Variants in GRM5 observed in about 807,000 individuals in gnomAD.
GRM5 encodes glutamate metabotropic receptor 5.
A neutral mutation model predicts 83.1 loss-of-function variants in GRM5; 19 were observed. That is an observed-to-expected ratio of 0.23 (90% CI 0.16 to 0.34). The LOEUF (loss-of-function observed/expected upper bound fraction) is 0.34, where lower values mean the gene tolerates loss of function less well. GRM5 is among the 10% of genes least tolerant of loss of function. The probability of loss-of-function intolerance (pLI) is 1.00; values close to 1 mark genes in which losing one functional copy is unlikely to be tolerated. For missense variants in GRM5, 1,160 were observed against 1,588.3 expected (o/e 0.73, Z 4.58); for synonymous variants, 675 against 633.6 (o/e 1.07, Z -0.98).
At chr11:88,849,063 G>T (rs117359754) in intron 3 of GRM5, among the ~76,000 whole-genome samples, 1 of 151,896 alleles carries the variant, frequency 6.6e-6, no homozygotes, top group South Asian at 2.1e-4. Context: ...TAAGACCTTT[G>T]GACTTGGATT....
rs953102466 is a variant in GRM5, at chr11:88,591,886, G to A, written c.1564-1159C>T. 2.6e-5 allele frequency among the ~76,000 whole-genome samples: 4 copies of A among 152,150 alleles called. No individual in the cohort carries two copies. The East Asian group carries it at 5.8e-4, about 22-fold the overall frequency. On this transcript the variant is annotated intron_variant, in intron 6 of 9. Coordinates refer to ENST00000305447, the MANE Select transcript of GRM5 (RefSeq NM_001143831.3). ...ATATCGACTATTTCCAGGCTCTTTA[G>A]TACTTGTCACATACTGTTATCCCAT...
chr11:89,060,914 TCTC>T (rs1941978537), intron 1 of GRM5, among the ~76,000 whole-genome samples: 1 of 152,138 alleles, frequency 6.6e-6, no homozygotes, highest in Admixed American at 6.5e-5. Flanking sequence ...CTTCTTATGT[TCTC>T]CTAAGCTTCA....
intron 4 of GRM5, among the ~76,000 whole-genome samples, chr11:88,644,291 A>G (rs1199387872): frequency 1.3e-5 from 2 of 152,098 alleles, no homozygotes; most frequent in Non-Finnish European, 2.9e-5. Flanking sequence ...GCATCCCACA[A>G]ATTGGGGACT....
intron 3 of GRM5, among the ~76,000 whole-genome samples, chr11:88,714,481 A>G (rs1190521360): frequency 6.6e-6 from 1 of 152,014 alleles, no homozygotes; most frequent in Admixed American, 6.6e-5. Context: ...AGACATTGTT[A>G]AAAAAGTGAT....
At chr11:88,991,808 A>C (rs1939984778) in intron 2 of GRM5, among the ~76,000 whole-genome samples, 1 of 152,098 alleles carries the variant, frequency 6.6e-6, no homozygotes, top group Non-Finnish European at 1.5e-5. Context: ...CTGGCTAGCC[A>C]TATGTAGAAA....
intron 3 of GRM5, among the ~76,000 whole-genome samples, chr11:88,760,082 A>C (rs762757631): frequency 1.1e-4 from 17 of 151,620 alleles, no homozygotes; most frequent in Non-Finnish European, 2.2e-4. Flanking sequence ...GGCAATGTTA[A>C]GGAAATTTAT....
intron 2 of GRM5, among the ~76,000 whole-genome samples, chr11:88,922,825 C>T (rs951544995): frequency 2.6e-5 from 4 of 152,238 alleles, no homozygotes; most frequent in Admixed American, 2.0e-4. Flanking sequence ...GCAAACTCTA[C>T]ATCTGACAAG....
chr11:89,006,839 C>T (rs374853793), intron 2 of GRM5, among the ~76,000 whole-genome samples: 1 of 152,140 alleles, frequency 6.6e-6, no homozygotes, highest in Non-Finnish European at 1.5e-5. Flanking sequence ...TCTCTGTCAC[C>T]CAGGCTGGAG....
At chr11:88,822,965 T>C (rs1251554819) in intron 3 of GRM5, among the ~76,000 whole-genome samples, 1 of 152,106 alleles carries the variant, frequency 6.6e-6, no homozygotes, top group Non-Finnish European at 1.5e-5. Flanking sequence ...TTCATGTTCT[T>C]CAGTTCTGAG....
At chr11:89,039,296 A>T (rs1220199055) in intron 2 of GRM5, among the ~76,000 whole-genome samples, 1 of 151,108 alleles carries the variant, frequency 6.6e-6, no homozygotes, top group Non-Finnish European at 1.5e-5. Context: ...TATATATATA[A>T]AGTGATTATG....
At chr11:89,021,000 A>G (rs763474892) in intron 2 of GRM5, among the ~76,000 whole-genome samples, 23 of 152,190 alleles carry the variant, frequency 1.5e-4, no homozygotes, top group Non-Finnish European at 3.1e-4. Context: ...GTCTCCATGA[A>G]GAACGATAAA....
intron 3 of GRM5, among the ~76,000 whole-genome samples, chr11:88,687,878 A>G (rs1940687160): frequency 6.6e-6 from 1 of 151,866 alleles, no homozygotes; most frequent in Admixed American, 6.6e-5. Context: ...AGATAGTGAT[A>G]GTACTGAGAA....
At position 88,509,107 on chromosome 11, in the gene GRM5, G is replaced by T; in HGVS notation, c.3124C>A (p.Leu1042Met). 1 of 1,547,332 alleles carries T rather than the reference G, an allele frequency of 6.5e-7. No homozygotes were observed. The highest frequency in any genetic ancestry group is 1.2e-5 in the South Asian group (1 of 83,982). The change falls in exon 10 of 10, where the codon CTG becomes ATG. Residue 1042 changes from leucine (L) to methionine (M), a missense_variant. This residue lies in a region of GRM5 where 562 missense variants were observed against 532.4 expected (regional missense o/e 1.06). Transcript: ENST00000305447. ...CTGCGCGCCACAGGCTCCGAGTGCAGCGACGGCACATCGTCGTCCGTGCGG... is the reference window on the plus strand; with the variant it reads ...CTGCGCGCCACAGGCTCCGAGTGCATCGACGGCACATCGTCGTCCGTGCGG... Reference protein sequence around the residue: ...ASRTDDDVPSLHSEPVARSSS... With the variant: ...ASRTDDDVPSMHSEPVARSSS...
At chr11:88,822,818 T>A (rs1943825174) in intron 3 of GRM5, among the ~76,000 whole-genome samples, 1 of 151,524 alleles carries the variant, frequency 6.6e-6, no homozygotes, top group African/African-American at 2.4e-5. Flanking sequence ...CTTCTCTCCC[T>A]CCCCTTTTGT....
chr11:88,797,941 T>C (rs1233231283), intron 3 of GRM5, among the ~76,000 whole-genome samples: 2 of 152,148 alleles, frequency 1.3e-5, no homozygotes, highest in Non-Finnish European at 2.9e-5. Context: ...ACTCTTAATA[T>C]GTCATGAGTA....
At chr11:88,584,701 C>T (rs1231198662) in intron 7 of GRM5, among the ~76,000 whole-genome samples, 1 of 152,164 alleles carries the variant, frequency 6.6e-6, no homozygotes, top group Non-Finnish European at 1.5e-5. Context: ...AATGTAGCCT[C>T]CCAAAGTGTT....
intron 3 of GRM5, among the ~76,000 whole-genome samples, chr11:88,717,569 C>T (rs1013217780): frequency 2.0e-5 from 3 of 151,722 alleles, no homozygotes; most frequent in African/African-American, 7.3e-5. Flanking sequence ...CTCTTCAGCC[C>T]ATCTTTTGAA....
At chr11:88,797,827 T>C (rs891915880) in intron 3 of GRM5, among the ~76,000 whole-genome samples, 1 of 147,806 alleles carries the variant, frequency 6.8e-6, no homozygotes, top group Non-Finnish European at 1.5e-5. Context: ...TTGCTGTTGT[T>C]AAAAAAAAAA....
chr11:88,889,299 C>A (rs1490273147), intron 2 of GRM5, among the ~76,000 whole-genome samples: 1 of 151,802 alleles, frequency 6.6e-6, no homozygotes, highest in Non-Finnish European at 1.5e-5. Context: ...AAACCAGGTG[C>A]CTCCCAAAGT....
Sources: allele counts gnomAD v4.1 joint callset (sites outside exome capture counted in the v4.1 genomes callset), GRCh38; gene constraint gnomAD v4.1.1; regional missense constraint gnomAD v4.1.1; transcripts MANE v1.5; gene names NCBI Gene and HGNC (gene_info 2026-07-23, HGNC 2026-07-21).